The following TAFA4 variants were observed in gnomAD, a reference collection of about 807,000 sequenced individuals.
TAFA4 encodes TAFA chemokine like family member 4.
In TAFA4, 20 loss-of-function variants were observed where a neutral mutation model predicts 21.1. That is an observed-to-expected ratio of 0.95 (90% CI 0.67 to 1.38). TAFA4 has a LOEUF of 1.38. TAFA4 is among the 40% of genes most tolerant of loss of function. TAFA4 has a pLI of 0.00. For missense variants in TAFA4, 211 were observed against 180.9 expected, an observed-to-expected ratio of 1.17 and a Z score of -0.95; for synonymous variants, 71 against 67.4, an observed-to-expected ratio of 1.05 and a Z score of -0.26.
At chr3:68,921,940 G>T (rs1189002132) in intron 1 of TAFA4, among the ~76,000 whole-genome samples, 2 of 152,104 alleles carry the variant, frequency 1.3e-5, no homozygotes, top group Non-Finnish European at 2.9e-5. Flanking sequence ...CACATCTTAT[G>T]CTCTAAAAGA....
chr3:68,774,940 GCAAAAAAGAAAGCTATTCCCATCATAA>G (rs1479015809), intron 3 of TAFA4, among the ~76,000 whole-genome samples: 1 of 152,006 alleles, frequency 6.6e-6, no homozygotes, highest in African/African-American at 2.4e-5. Flanking sequence ...TTAAAAAGCT[GCAAAAAAGAAAGCTATTCCCATCATAA>G]CAACAAAGGC....
chr3:68,822,409 T>C (rs1203960129), intron 3 of TAFA4, among the ~76,000 whole-genome samples: 1 of 152,164 alleles, frequency 6.6e-6, no homozygotes, highest in Admixed American at 6.6e-5. Flanking sequence ...GGACAAGAAA[T>C]TTGACTTATC....
At chr3:68,874,760 C>A (rs185982235) in intron 3 of TAFA4, among the ~76,000 whole-genome samples, 1 of 150,972 alleles carries the variant, frequency 6.6e-6, no homozygotes, top group Non-Finnish European at 1.5e-5. Flanking sequence ...TCTTTACTCC[C>A]GTCAGTAATA....
At chr3:68,745,168 G>A (rs1353491946) in intron 4 of TAFA4, among the ~76,000 whole-genome samples, 3 of 152,156 alleles carry the variant, frequency 2.0e-5, no homozygotes, top group African/African-American at 4.8e-5. Flanking sequence ...CTGAGGGCTC[G>A]ACCTGACAGA....
intron 3 of TAFA4, among the ~76,000 whole-genome samples, chr3:68,780,758 A>C (rs1411968375): frequency 6.6e-6 from 1 of 152,234 alleles, no homozygotes; most frequent in Non-Finnish European, 1.5e-5. Flanking sequence ...TTAAAACTTG[A>C]CTCTCAGTAA....
chr3:68,744,518 C>T (rs184902488), intron 4 of TAFA4, among the ~76,000 whole-genome samples: 149 of 152,256 alleles, frequency 9.8e-4, no homozygotes, highest in Non-Finnish European at 1.5e-3. Context: ...TGAGAAATTG[C>T]GGAATAAATT....
At chr3:68,821,181 T>C (rs981464080) in intron 3 of TAFA4, among the ~76,000 whole-genome samples, 1 of 152,222 alleles carries the variant, frequency 6.6e-6, no homozygotes, top group Non-Finnish European at 1.5e-5. Context: ...CAATAACTTT[T>C]GAACCACTGC....
rs975557550 is a variant in TAFA4, at chr3:68,828,047, T to C, written c.130+52683A>G. 2.6e-4 allele frequency among the ~76,000 whole-genome samples: 39 copies of C among 152,262 alleles called. 1 individual carries two copies. The highest frequency in any genetic ancestry group is 9.4e-4 in the African/African-American group (39 of 41,546). On this transcript the variant is annotated intron_variant, in intron 3 of 5. Transcript: ENST00000295569. ...ATTTAAGTCTTTAATCCATCTTGAGTTAATTTTTGTGTAAGATGTAAGAAA... is the reference window on the plus strand; with the variant it reads ...ATTTAAGTCTTTAATCCATCTTGAGCTAATTTTTGTGTAAGATGTAAGAAA...
At chr3:68,784,453 A>C (rs1703211960) in intron 3 of TAFA4, among the ~76,000 whole-genome samples, 1 of 151,660 alleles carries the variant, frequency 6.6e-6, no homozygotes, top group Non-Finnish European at 1.5e-5. Flanking sequence ...CTCAGGGGTA[A>C]AGCTGGCTCA....
chr3:68,797,751 T>A lies in TAFA4; in HGVS notation c.131-44733A>T, dbSNP rs562894153. On this transcript the variant is annotated intron_variant, in intron 3 of 5. Transcript: ENST00000295569. ...GAGGTACCTAGAGTAGTCAAATTCA[T>A]AAAGACAGAAAGTAGAACGGTGGTT... is the stretch of plus-strand genomic sequence containing the variant. 4.6e-5 allele frequency among the ~76,000 whole-genome samples: 7 copies of A among 152,016 alleles called. No homozygotes were observed. The East Asian group carries it at 1.4e-3, about 29-fold the overall frequency.
At chr3:68,754,916 C>CT (rs1385473318) in intron 3 of TAFA4, among the ~76,000 whole-genome samples, 1 of 152,174 alleles carries the variant, frequency 6.6e-6, no homozygotes, top group Non-Finnish European at 1.5e-5. Context: ...CCTTCTGACC[C>CT]TCAAGATGTT....
At chr3:68,915,102 T>C (rs990666917) in intron 1 of TAFA4, among the ~76,000 whole-genome samples, 2 of 152,114 alleles carry the variant, frequency 1.3e-5, no homozygotes, top group Non-Finnish European at 2.9e-5. Context: ...CCTTTCATCA[T>C]TGTCAGTGAT....
intron 3 of TAFA4, among the ~76,000 whole-genome samples, chr3:68,832,436 G>A (rs1704422477): frequency 6.6e-6 from 1 of 152,174 alleles, no homozygotes; most frequent in African/African-American, 2.4e-5. Flanking sequence ...TAAGAGAGAA[G>A]CCCCTCAACT....
intron 1 of TAFA4, among the ~76,000 whole-genome samples, chr3:68,898,353 A>G (rs2106978474): frequency 6.6e-6 from 1 of 152,330 alleles, no homozygotes; most frequent in African/African-American, 2.4e-5. Flanking sequence ...TTATAATGAT[A>G]ATGATTTAGC....
chr3:68,913,733 A>C (rs2089980634), intron 1 of TAFA4: 1 of 150,066 alleles, frequency 6.7e-6, no homozygotes, highest in Non-Finnish European at 1.5e-5. Flanking sequence ...ATCTGTTACT[A>C]ATCTGATCAA....
In TAFA4 at chr3:68,904,498, A is replaced by G. The variant is rs143387359; in HGVS notation, c.-122-19188T>C. On this transcript the variant is annotated intron_variant, in intron 1 of 5. Transcript: ENST00000295569. ...GCAAATAATAGTAAAGAGGTTCATAAAAGTTTCCCAATTTATATTGCAAGT... is the reference window on the plus strand; with the variant it reads ...GCAAATAATAGTAAAGAGGTTCATAGAAGTTTCCCAATTTATATTGCAAGT... Among the ~76,000 whole-genome samples, 712 of 152,380 alleles carry G rather than the reference A, an allele frequency of 4.7e-3. 5 individuals are homozygous for G. The highest frequency in any genetic ancestry group is 0.016 in the African/African-American group (671 of 41,586).
intron 5 of TAFA4, among the ~76,000 whole-genome samples, chr3:68,738,380 A>G (rs1358767487): frequency 6.6e-6 from 1 of 152,160 alleles, no homozygotes; most frequent in Non-Finnish European, 1.5e-5. Context: ...AGCTTAGAGG[A>G]TGTGCATTTT....
At chr3:68,761,970 G>A (rs1476286104) in intron 3 of TAFA4, among the ~76,000 whole-genome samples, 3 of 152,106 alleles carry the variant, frequency 2.0e-5, no homozygotes, top group Non-Finnish European at 4.4e-5. Context: ...GAGCTTGGTT[G>A]TTAAATTTCA....
chr3:68,894,947 C>G (rs545374745), intron 1 of TAFA4, among the ~76,000 whole-genome samples: 1 of 152,270 alleles, frequency 6.6e-6, no homozygotes, highest in Admixed American at 6.5e-5. Context: ...ATCCACCTCC[C>G]AGGTTCAAGC....
Sources: allele counts gnomAD v4.1 joint callset (sites outside exome capture counted in the v4.1 genomes callset), GRCh38; gene constraint gnomAD v4.1.1; transcripts MANE v1.5; gene names NCBI Gene and HGNC (gene_info 2026-07-23, HGNC 2026-07-21).